ANK2: variants seen among roughly 807,000 people sequenced by gnomAD.
ANK2 encodes ankyrin 2.
In ANK2, 83 loss-of-function variants were observed where a neutral mutation model predicts 360.5. That is an observed-to-expected ratio of 0.23 (90% CI 0.19 to 0.28). The LOEUF (loss-of-function observed/expected upper bound fraction) is 0.28. ANK2 is among the 10% of genes least tolerant of loss of function. The pLI, the probability that ANK2 is intolerant of heterozygous loss-of-function variation, is 1.00. For missense variants in ANK2, 4,201 were observed against 4,795.7 expected (o/e 0.88, Z 3.66); for synonymous variants, 1,740 against 1,759.5 (o/e 0.99, Z 0.28).
At chr4:113,074,569 TATG>T (rs1363514990) in intron 1 of ANK2, among the ~76,000 whole-genome samples, 1 of 152,192 alleles carries the variant, frequency 6.6e-6, no homozygotes, top group Non-Finnish European at 1.5e-5. Context: ...ATTTGAAAAG[TATG>T]ATGATTTAAA....
intron 2 of ANK2, among the ~76,000 whole-genome samples, chr4:113,025,031 C>T (rs1186625994): frequency 1.3e-5 from 2 of 152,084 alleles, no homozygotes; most frequent in Non-Finnish European, 2.9e-5. Flanking sequence ...TTCTTTTCCA[C>T]TACAATTGTA....
At chr4:113,062,518 T>C (rs537947767) in intron 1 of ANK2, among the ~76,000 whole-genome samples, 61 of 152,214 alleles carry the variant, frequency 4.0e-4, no homozygotes, top group Non-Finnish European at 2.5e-4. Flanking sequence ...TTATAGTATA[T>C]TCATATAAGA....
intron 3 of ANK2, 69 bp from the exon 4 acceptor site, chr4:113,198,942 G>A: frequency 7.9e-7 from 1 of 1,269,192 alleles, no homozygotes; most frequent in Non-Finnish European, 1.2e-6. Context: ...GTTGAAAAAT[G>A]CCTGCACATT....
At chr4:113,281,826 C>T (rs779930570) in intron 17 of ANK2, among the ~76,000 whole-genome samples, 21 of 152,088 alleles carry the variant, frequency 1.4e-4, no homozygotes, top group Admixed American at 3.9e-4. Flanking sequence ...CACAAACTCC[C>T]GCCCGAAATA....
chr4:112,774,054 C>T, the ANK2 span, among the ~76,000 whole-genome samples: 1 of 151,882 alleles, frequency 6.6e-6, no homozygotes, highest in Non-Finnish European at 1.5e-5. Flanking sequence ...CTGCCTTGGC[C>T]TCCCAAAGTA....
chr4:112,910,540 G>C (rs904392414), intron 2 of ANK2, among the ~76,000 whole-genome samples: 1 of 152,194 alleles, frequency 6.6e-6, no homozygotes, highest in Non-Finnish European at 1.5e-5. Context: ...GGGGTCTGTG[G>C]CAGCCAGCAG....
intron 4 of ANK2, among the ~76,000 whole-genome samples, chr4:113,210,981 A>G (rs2099014911): frequency 6.6e-6 from 1 of 152,202 alleles, no homozygotes; most frequent in African/African-American, 2.4e-5. Flanking sequence ...AATAAAGAAT[A>G]TTGCACTCAA....
the ANK2 span, among the ~76,000 whole-genome samples, chr4:112,723,778 C>G: frequency 1.3e-5 from 2 of 152,160 alleles, no homozygotes; most frequent in Non-Finnish European, 1.5e-5. Context: ...AACCTAACAA[C>G]AAAGGTCACA....
At chr4:113,044,894 A>G (rs1286804944), upstream of ANK2, among the ~76,000 whole-genome samples, 1 of 152,072 alleles carries the variant, frequency 6.6e-6, no homozygotes, top group Non-Finnish European at 1.5e-5. Flanking sequence ...TAGTCTAGCT[A>G]TGTGTCCAAA....
At chr4:113,102,114 T>C (rs944504545) in intron 1 of ANK2, among the ~76,000 whole-genome samples, 1 of 152,004 alleles carries the variant, frequency 6.6e-6, no homozygotes, top group African/African-American at 2.4e-5. Flanking sequence ...CTGAGAGGAA[T>C]GGTGGAGGGA....
Position 113,356,226 on chromosome 4 carries a change from T to C in ANK2, c.7608T>C (p.Leu2536=). The change falls in exon 38 of 46, where the codon CTT becomes CTC. Residue 2536 remains leucine, a synonymous_variant. Coordinates refer to ENST00000357077, the MANE Select transcript of ANK2 (RefSeq NM_001148.6). ...SLMESSGKSP[L]SPDTPSSEEV... ...TGGAGAGCTCAGGGAAGAGCCCCCT[T>C]TCTCCTGACACCCCCAGCTCTGAAG... 1 of 1,613,852 alleles carries C rather than the reference T, an allele frequency of 6.2e-7. No homozygotes were observed. Among genetic ancestry groups the C allele is most frequent in the South Asian group, 1.1e-5 (1 of 91,040 alleles).
At position 113,354,570 on chromosome 4, in the gene ANK2, T is replaced by A. The variant is rs201734565; in HGVS notation, c.5952T>A (p.Ile1984=). ...CCCCCACTTCAAAAACAGAGAGGAT[T>A]GAGGAAACCATGTCTGTTCGGGAGC... ...PVSPTSKTER[I]EETMSVRELM... is the part of the protein sequence containing the mutation. Residue 1984 remains isoleucine, a synonymous_variant, in exon 38 of 46, where the codon ATT becomes ATA. Transcript: ENST00000357077. 6.2e-7 allele frequency: 1 copy of A among 1,614,014 alleles called. No individual in the cohort carries two copies. The highest frequency in any genetic ancestry group is 2.2e-5 in the East Asian group (1 of 44,870).
At chr4:113,136,135 C>G (rs1333878981) in intron 1 of ANK2, among the ~76,000 whole-genome samples, 1 of 152,012 alleles carries the variant, frequency 6.6e-6, no homozygotes, top group African/African-American at 2.4e-5. Context: ...ATTATGAGTG[C>G]CTGCTATATA....
At chr4:112,822,110 A>G (rs867962260) in intron 1 of ANK2, among the ~76,000 whole-genome samples, 29 of 151,934 alleles carry the variant, frequency 1.9e-4, no homozygotes, top group African/African-American at 6.8e-4. Flanking sequence ...ATATTTAAAA[A>G]CCATTTAAGG....
intron 1 of ANK2, among the ~76,000 whole-genome samples, chr4:113,087,064 A>G (rs2085199662): frequency 6.6e-6 from 1 of 152,232 alleles, no homozygotes; most frequent in Non-Finnish European, 1.5e-5. Context: ...ACATAGATGT[A>G]TAAGCAAATA....
chr4:113,186,571 T>TCC (rs2098530078), intron 2 of ANK2, among the ~76,000 whole-genome samples: 1 of 80,588 alleles, frequency 1.2e-5, no homozygotes, highest in African/African-American at 7.6e-5. Flanking sequence ...TCTCTCTCTC[T>TCC]CTCTCTCTCT....
intron 1 of ANK2, among the ~76,000 whole-genome samples, chr4:112,837,648 C>A (rs906707794): frequency 3.9e-5 from 6 of 152,232 alleles, no homozygotes; most frequent in African/African-American, 1.4e-4. Flanking sequence ...GCCTTGGAAG[C>A]CCACCCCTTG....
intron 2 of ANK2, among the ~76,000 whole-genome samples, chr4:113,003,129 T>C (rs1252689995): frequency 6.6e-6 from 1 of 152,208 alleles, no homozygotes; most frequent in African/African-American, 2.4e-5. Flanking sequence ...AGTATGGAAA[T>C]CTTATCTTGT....
At chr4:112,965,385 C>T (rs778487906) in intron 2 of ANK2, among the ~76,000 whole-genome samples, 18 of 151,966 alleles carry the variant, frequency 1.2e-4, no homozygotes, top group Non-Finnish European at 2.2e-4. Flanking sequence ...GTTTGAGCTC[C>T]TTGTATATTC....
Sources: allele counts gnomAD v4.1 joint callset (sites outside exome capture counted in the v4.1 genomes callset), GRCh38; gene constraint gnomAD v4.1.1; transcripts MANE v1.5; gene names NCBI Gene and HGNC (gene_info 2026-07-23, HGNC 2026-07-21).